NLGN1: variants seen among roughly 807,000 people sequenced by gnomAD.
NLGN1 encodes the protein neuroligin 1.
A neutral mutation model predicts 65.5 loss-of-function variants in NLGN1; 12 were observed. The observed-to-expected ratio is 0.18, with a 90% CI of 0.12 to 0.30. NLGN1 has a LOEUF of 0.30. NLGN1 is among the 10% of genes least tolerant of loss of function. NLGN1 has a pLI of 1.00. For missense variants in NLGN1, 750 were observed against 1,007.1 expected, an observed-to-expected ratio of 0.74 and a Z score of 3.46; for synonymous variants, 350 against 359.5, an observed-to-expected ratio of 0.97 and a Z score of 0.30.
chr3:173,558,438 T>C (rs916238261), intron 2 of NLGN1, among the ~76,000 whole-genome samples: 6 of 152,146 alleles, frequency 3.9e-5, no homozygotes, highest in African/African-American at 1.4e-4. Flanking sequence ...TCCTCCTGTA[T>C]TCCAAATACT....
intron 2 of NLGN1, among the ~76,000 whole-genome samples, chr3:173,576,226 T>G (rs1225458580): frequency 2.0e-5 from 3 of 152,164 alleles, no homozygotes; most frequent in Non-Finnish European, 4.4e-5. Flanking sequence ...GCTAGGAAAT[T>G]TAAAATTTCC....
chr3:173,802,500 A>T (rs1021857430), intron 3 of NLGN1, among the ~76,000 whole-genome samples: 2 of 152,224 alleles, frequency 1.3e-5, no homozygotes, highest in African/African-American at 4.8e-5. Flanking sequence ...CAGATATCCT[A>T]CAGGGGAAAA....
chr3:173,966,843 G>A (rs1323810162), intron 4 of NLGN1, among the ~76,000 whole-genome samples: 1 of 152,180 alleles, frequency 6.6e-6, no homozygotes, highest in African/African-American at 2.4e-5. Flanking sequence ...GAACCAGGAT[G>A]TATTTTGCAA....
Position 173,572,321 on chromosome 3 carries a change from A to G in NLGN1, c.-320-31958A>G, listed in dbSNP as rs148317504. On this transcript the variant is annotated intron_variant, in intron 2 of 6. Transcript: ENST00000457714. ...CTAATGTGCAACCATAGGGAGAACC[A>G]CTAATTCTGGTAAAAATTAAGCAGA... 4.1e-3 allele frequency among the ~76,000 whole-genome samples: 618 copies of G among 152,380 alleles called. 3 individuals carry two copies. Among genetic ancestry groups the G allele is most frequent in the Non-Finnish European group, 6.1e-3 (416 of 68,042 alleles).
chr3:173,599,595 T>G (rs1177154570), intron 2 of NLGN1, among the ~76,000 whole-genome samples: 1 of 152,162 alleles, frequency 6.6e-6, no homozygotes, highest in Non-Finnish European at 1.5e-5. Flanking sequence ...ATTACCTTAT[T>G]TGTTAAATTA....
chr3:173,924,347 C>A (rs1742621587), intron 4 of NLGN1, among the ~76,000 whole-genome samples: 1 of 151,832 alleles, frequency 6.6e-6, no homozygotes, highest in Non-Finnish European at 1.5e-5. Context: ...CATTAAAATA[C>A]AGTATTATGG....
rs1431018324 is a variant in NLGN1 at position 173,781,962 on chromosome 3, G to C, written c.494-25718G>C. Among the ~76,000 whole-genome samples the C allele has an allele frequency of 3.9e-5, 6 of 152,282 alleles. No homozygotes were observed. The East Asian group carries it at 1.2e-3, about 29-fold the overall frequency. On this transcript the variant is annotated intron_variant, in intron 3 of 6. Transcript: ENST00000457714. ...TATTTGATTTAAGATTTAAGGGAAG[G>C]TTGAGATCCCACTGAAGAACAGGCA...
At chr3:173,739,327 A>G (rs1774258875) in intron 3 of NLGN1, among the ~76,000 whole-genome samples, 1 of 152,094 alleles carries the variant, frequency 6.6e-6, no homozygotes, top group African/African-American at 2.4e-5. Context: ...AATATACTGT[A>G]ATACTAGCTT....
At chr3:173,870,231 A>G (rs968723169) in intron 4 of NLGN1, among the ~76,000 whole-genome samples, 2 of 152,126 alleles carry the variant, frequency 1.3e-5, no homozygotes, top group African/African-American at 4.8e-5. Context: ...ATTGTTTAAA[A>G]TCTCTGTTTT....
At chr3:174,026,484 T>G (rs1361758417) in intron 4 of NLGN1, among the ~76,000 whole-genome samples, 1 of 152,102 alleles carries the variant, frequency 6.6e-6, no homozygotes. Flanking sequence ...TGGATCATCT[T>G]AAAAATGATG....
chr3:174,084,980 T>C (rs954660600), intron 4 of NLGN1, among the ~76,000 whole-genome samples: 18 of 152,070 alleles, frequency 1.2e-4, no homozygotes, highest in African/African-American at 4.3e-4. Flanking sequence ...TATCTTTGAT[T>C]GTAAGAATCA....
intron 2 of NLGN1, among the ~76,000 whole-genome samples, chr3:173,514,113 T>A (rs1287547894): frequency 6.6e-6 from 1 of 152,192 alleles, no homozygotes; most frequent in East Asian, 1.9e-4. Context: ...CAATGCTCAG[T>A]ACATAAGTCT....
chr3:174,209,708 C>T (rs1424526167), intron 4 of NLGN1, among the ~76,000 whole-genome samples: 2 of 137,728 alleles, frequency 1.5e-5, no homozygotes, highest in African/African-American at 2.8e-5. Context: ...TCTCGGCTCA[C>T]TGCAACCTCC....
chr3:173,724,072 A>G (rs1771342347), intron 3 of NLGN1, among the ~76,000 whole-genome samples: 2 of 152,314 alleles, frequency 1.3e-5, no homozygotes, highest in South Asian at 4.1e-4. Flanking sequence ...GGAGTCTGCT[A>G]TTGGACATGA....
intron 4 of NLGN1, among the ~76,000 whole-genome samples, chr3:174,183,935 A>G (rs1023227146): frequency 2.0e-5 from 3 of 152,176 alleles, no homozygotes. Flanking sequence ...GTGCTTACGG[A>G]CAATGTATGT....
At chr3:174,183,603 A>G (rs1730838155) in intron 4 of NLGN1, among the ~76,000 whole-genome samples, 2 of 152,214 alleles carry the variant, frequency 1.3e-5, no homozygotes, top group African/African-American at 4.8e-5. Context: ...GAAAAAGAAG[A>G]CAGAGGAAGA....
intron 3 of NLGN1, chr3:173,800,303 A>G: frequency 7.5e-6 from 9 of 1,203,276 alleles, no homozygotes; most frequent in Non-Finnish European, 9.6e-6. Context: ...GTCCCCTTAC[A>G]AAGAAACAGA....
intron 3 of NLGN1, among the ~76,000 whole-genome samples, chr3:173,660,234 A>G (rs1222486885): frequency 2.0e-5 from 3 of 151,918 alleles, no homozygotes; most frequent in African/African-American, 4.8e-5. Context: ...CCATTGTGCA[A>G]TGAATCACTC....
intron 4 of NLGN1, among the ~76,000 whole-genome samples, chr3:174,017,607 G>A (rs1403504999): frequency 6.6e-6 from 1 of 152,124 alleles, no homozygotes; most frequent in Non-Finnish European, 1.5e-5. Flanking sequence ...TAAAGGGAAA[G>A]ACTACAAAAG....
Sources: allele counts gnomAD v4.1 joint callset (sites outside exome capture counted in the v4.1 genomes callset), GRCh38; gene constraint gnomAD v4.1.1; transcripts MANE v1.5; gene names NCBI Gene and HGNC (gene_info 2026-07-23, HGNC 2026-07-21).